The following SH3GL2 variants were observed in gnomAD, a reference collection of about 807,000 sequenced individuals.
SH3GL2 encodes endophilin-A1.
In SH3GL2, 24 loss-of-function variants were observed where a neutral mutation model predicts 46.0. The observed-to-expected ratio is 0.52, with a 90% CI of 0.38 to 0.73. SH3GL2 has a LOEUF of 0.73. SH3GL2 is among the 30% of genes least tolerant of loss of function. The pLI, the probability that SH3GL2 is intolerant of heterozygous loss-of-function variation, is 0.00. For missense variants in SH3GL2, 413 were observed against 424.2 expected, an observed-to-expected ratio of 0.97 and a Z score of 0.23; for synonymous variants, 196 against 147.1, an observed-to-expected ratio of 1.33 and a Z score of -2.40.
chr9:17,610,607 C>G (rs1347485655), intron 1 of SH3GL2, among the ~76,000 whole-genome samples: 1 of 152,148 alleles, frequency 6.6e-6, no homozygotes, highest in East Asian at 1.9e-4. Context: ...TTAAAAAAAT[C>G]AGGGTGTAAG....
At chr9:17,750,782 G>C (rs916291909) in intron 2 of SH3GL2, among the ~76,000 whole-genome samples, 1 of 152,186 alleles carries the variant, frequency 6.6e-6, no homozygotes, top group African/African-American at 2.4e-5. Flanking sequence ...GTAGTTTTTT[G>C]TTGTGTGTAC....
chr9:17,767,804 A>G (rs1043147301), intron 3 of SH3GL2, among the ~76,000 whole-genome samples: 4 of 152,204 alleles, frequency 2.6e-5, no homozygotes, highest in African/African-American at 4.8e-5. Flanking sequence ...AAATGTTGTT[A>G]AGCTTCAAAG....
intron 1 of SH3GL2, among the ~76,000 whole-genome samples, chr9:17,687,149 C>G (rs575313113): frequency 1.3e-5 from 2 of 152,208 alleles, no homozygotes; most frequent in South Asian, 4.1e-4. Context: ...AATATGCTCT[C>G]TCACATTAAG....
chr9:17,784,780 A>C (rs1229048238), intron 3 of SH3GL2, among the ~76,000 whole-genome samples: 1 of 152,152 alleles, frequency 6.6e-6, no homozygotes, highest in Non-Finnish European at 1.5e-5. Context: ...TGGCACCATC[A>C]TAGCTCACTA....
intron 2 of SH3GL2, chr9:17,755,889 C>G (rs139077851): frequency 1.2e-5 from 5 of 404,908 alleles, no homozygotes; most frequent in African/African-American, 6.5e-5. Flanking sequence ...TCCATGCCTT[C>G]TATTCTTTAG....
intron 1 of SH3GL2, among the ~76,000 whole-genome samples, chr9:17,693,387 A>G (rs1328711938): frequency 6.6e-6 from 1 of 152,184 alleles, no homozygotes; most frequent in Non-Finnish European, 1.5e-5. Flanking sequence ...TGAAGAAACA[A>G]AGATGAACTA....
Position 17,584,203 on chromosome 9 carries a change from C to T in SH3GL2, c.45+4916C>T, listed in dbSNP as rs191982335. ...CCTAATTGCTGCCCCTTCCTCCCCT[C>T]GAAAAGTAAAAATAGGGTGGGGCGT... is the stretch of plus-strand genomic sequence containing the variant. On this transcript the variant is annotated intron_variant, in intron 1 of 8. Coordinates refer to ENST00000380607, the MANE Select transcript of SH3GL2 (RefSeq NM_003026.5). Among the ~76,000 whole-genome samples, 15 of 152,234 alleles carry T rather than the reference C, an allele frequency of 9.9e-5. No homozygotes were observed. In the East Asian group the frequency reaches 2.3e-3, roughly 24 times the overall value.
At chr9:17,669,642 T>G (rs1048254668) in intron 1 of SH3GL2, among the ~76,000 whole-genome samples, 7 of 152,186 alleles carry the variant, frequency 4.6e-5, no homozygotes, top group African/African-American at 1.7e-4. Flanking sequence ...TGGACCAGTT[T>G]GTATAATTGT....
At chr9:17,637,583 A>G (rs1819569455) in intron 1 of SH3GL2, among the ~76,000 whole-genome samples, 1 of 152,200 alleles carries the variant, frequency 6.6e-6, no homozygotes, top group South Asian at 2.1e-4. Context: ...TGGCAACAAC[A>G]TTATCTTTGG....
At chr9:17,682,724 A>G (rs986049357) in intron 1 of SH3GL2, among the ~76,000 whole-genome samples, 24 of 152,124 alleles carry the variant, frequency 1.6e-4, no homozygotes, top group African/African-American at 4.6e-4. Flanking sequence ...AATAGGACAC[A>G]AGATCTATTC....
rs182644689 is a variant in SH3GL2, at chr9:17,579,587, G to T, written c.45+300G>T. Among the ~76,000 whole-genome samples the T allele has an allele frequency of 2.1e-3, 321 of 152,272 alleles. 1 individual carries two copies. The highest frequency in any genetic ancestry group is 3.4e-3 in the Middle Eastern group (1 of 292). On this transcript the variant is annotated intron_variant, in intron 1 of 8. Coordinates refer to ENST00000380607, the MANE Select transcript of SH3GL2 (RefSeq NM_003026.5). ...GCGCCCGTGCTGCAGGAAGGGGACC[G>T]CGGCTGCACTGCTGCCGCGGCGCGC...
rs528885526 is a variant in SH3GL2, at chr9:17,661,688, T to C, written c.45+82401T>C. Among the ~76,000 whole-genome samples the C allele has an allele frequency of 2.0e-5, 3 of 152,148 alleles. No homozygotes were observed. The South Asian group carries it at 6.2e-4, about 32-fold the overall frequency. On this transcript the variant is annotated intron_variant, in intron 1 of 8. Transcript: ENST00000380607. ...ATGCCCTTGGGGTATTGATGTAATC[T>C]TTTTTTTAACTAATAGGAGAGTGTG...
In SH3GL2 at chr9:17,702,080, C is replaced by G. The variant is rs1370579423; in HGVS notation, c.46-44986C>G. On this transcript the variant is annotated intron_variant, in intron 1 of 8. Coordinates refer to ENST00000380607, the MANE Select transcript of SH3GL2 (RefSeq NM_003026.5). ...TATTTAACATAGTGTATTACTAGTT[C>G]ATGAAGAAACAGATTAATAGTTTAA... is the stretch of plus-strand genomic sequence containing the variant. Among the ~76,000 whole-genome samples the G allele has an allele frequency of 2.0e-5, 3 of 151,902 alleles. No individual in the cohort carries two copies. The East Asian group carries it at 5.8e-4, about 29-fold the overall frequency.
At chr9:17,791,927 C>T (rs551669047) in intron 7 of SH3GL2, among the ~76,000 whole-genome samples, 131 of 152,280 alleles carry the variant, frequency 8.6e-4, no homozygotes, top group African/African-American at 3.0e-3. Flanking sequence ...AGGAAACTAC[C>T]GTGTGAATGT....
chr9:17,596,464 T>G (rs1190684318), intron 1 of SH3GL2, among the ~76,000 whole-genome samples: 1 of 152,152 alleles, frequency 6.6e-6, no homozygotes, highest in Non-Finnish European at 1.5e-5. Context: ...TGTAAGATGT[T>G]CTTGGTAATT....
intron 1 of SH3GL2, among the ~76,000 whole-genome samples, chr9:17,631,203 A>G (rs897142990): frequency 6.6e-6 from 1 of 152,206 alleles, no homozygotes; most frequent in Non-Finnish European, 1.5e-5. Flanking sequence ...TGTTTCATCA[A>G]CGGAGCAGTT....
At chr9:17,641,121 G>C (rs1035646698) in intron 1 of SH3GL2, among the ~76,000 whole-genome samples, 1 of 152,048 alleles carries the variant, frequency 6.6e-6, no homozygotes, top group Non-Finnish European at 1.5e-5. Context: ...CTTTTTTGGG[G>C]TGGCTCCTAA....
chr9:17,748,257 T>G (rs1179697995), intron 2 of SH3GL2, among the ~76,000 whole-genome samples: 1 of 152,162 alleles, frequency 6.6e-6, no homozygotes, highest in Non-Finnish European at 1.5e-5. Flanking sequence ...ACATTTTAGG[T>G]CTTAAGTGGG....
chr9:17,718,948 A>G (rs2383041), intron 1 of SH3GL2, among the ~76,000 whole-genome samples: 23,228 of 152,088 alleles, frequency 0.15, 2,419 homozygotes, highest in Middle Eastern at 0.24. Flanking sequence ...TCTGCCATCC[A>G]CTATAACTTC....
Sources: gnomAD v4.1 joint callset for allele counts (sites outside exome capture counted in the v4.1 genomes callset) on GRCh38, gnomAD v4.1.1 for gene constraint, MANE v1.5 for transcripts, NCBI Gene and HGNC (gene_info 2026-07-23, HGNC 2026-07-21) for gene names.